The following SLC35F1 variants were observed in gnomAD, a reference collection of about 807,000 sequenced individuals.
The protein encoded by SLC35F1 is chromosome 6 open reading frame 169.
A neutral mutation model predicts 48.7 loss-of-function variants in SLC35F1; 14 were observed. The observed-to-expected ratio is 0.29, with a 90% CI of 0.19 to 0.45. SLC35F1 has a LOEUF of 0.45. SLC35F1 is among the 20% of genes least tolerant of loss of function. The pLI is 1.00. For missense variants in SLC35F1, 404 were observed against 500.0 expected (o/e 0.81, Z 1.83); for synonymous variants, 190 against 202.2 (o/e 0.94, Z 0.51).
chr6:118,208,143 A>ACC (rs1774961139), intron 2 of SLC35F1, among the ~76,000 whole-genome samples: 1 of 130,502 alleles, frequency 7.7e-6, no homozygotes, highest in African/African-American at 2.9e-5. Flanking sequence ...ACACACACAC[A>ACC]CCCCTCTGCT....
chr6:118,152,550 CACTT>C (rs969574236), intron 1 of SLC35F1, among the ~76,000 whole-genome samples: 2 of 152,190 alleles, frequency 1.3e-5, no homozygotes, highest in African/African-American at 4.8e-5. Flanking sequence ...AAGCCTCACT[CACTT>C]GTCAGGACAA....
At chr6:117,944,125 T>C (rs1776265569) in intron 1 of SLC35F1, among the ~76,000 whole-genome samples, 1 of 152,212 alleles carries the variant, frequency 6.6e-6, no homozygotes, top group African/African-American at 2.4e-5. Context: ...TGTAATTATA[T>C]TTGATACTCT....
chr6:118,295,921 G>T (rs1776178639), intron 7 of SLC35F1, among the ~76,000 whole-genome samples: 1 of 152,150 alleles, frequency 6.6e-6, no homozygotes, highest in African/African-American at 2.4e-5. Flanking sequence ...GTTTGACTTT[G>T]GCTTTCCCCT....
intron 1 of SLC35F1, among the ~76,000 whole-genome samples, chr6:117,922,151 A>G (rs1273983636): frequency 6.6e-6 from 1 of 152,178 alleles, no homozygotes; most frequent in Non-Finnish European, 1.5e-5. Flanking sequence ...TCCACCACCA[A>G]GAGTGGTTGG....
At chr6:118,112,222 A>T (rs896309385) in intron 1 of SLC35F1, among the ~76,000 whole-genome samples, 23 of 151,816 alleles carry the variant, frequency 1.5e-4, no homozygotes, top group African/African-American at 5.3e-4. Context: ...TCCACCTCCC[A>T]GGTTCAAGCA....
chr6:118,293,959 G>C (rs1169177890), intron 7 of SLC35F1, among the ~76,000 whole-genome samples: 1 of 152,198 alleles, frequency 6.6e-6, no homozygotes, highest in African/African-American at 2.4e-5. Context: ...ACTGGCTTCT[G>C]TGTATGCTTT....
intron 1 of SLC35F1, among the ~76,000 whole-genome samples, chr6:118,039,798 TG>T (rs925335235): frequency 1.9e-4 from 27 of 142,332 alleles, no homozygotes; most frequent in Admixed American, 7.4e-4. Context: ...ATCTCAGGAT[TG>T]TTTTTTTTGT....
intron 2 of SLC35F1, among the ~76,000 whole-genome samples, chr6:118,194,553 C>G (rs1774774818): frequency 6.6e-6 from 1 of 152,092 alleles, no homozygotes; most frequent in Non-Finnish European, 1.5e-5. Flanking sequence ...TTATGGGTTC[C>G]TAAGCCCGTG....
chr6:118,259,838 G>T (rs1562342462), intron 3 of SLC35F1, among the ~76,000 whole-genome samples: 1 of 152,094 alleles, frequency 6.6e-6, no homozygotes, highest in Non-Finnish European at 1.5e-5. Flanking sequence ...TAAACACTGA[G>T]TTACTATATG....
intron 2 of SLC35F1, among the ~76,000 whole-genome samples, chr6:118,177,015 G>C (rs1774499409): frequency 6.6e-6 from 1 of 151,968 alleles, no homozygotes; most frequent in South Asian, 2.1e-4. Flanking sequence ...CTTTTAACTT[G>C]TTAAAAGTTA....
intron 1 of SLC35F1, among the ~76,000 whole-genome samples, chr6:117,938,925 C>T (rs1369142855): frequency 6.6e-6 from 1 of 151,844 alleles, no homozygotes; most frequent in East Asian, 1.9e-4. Flanking sequence ...AGGCAGTCCC[C>T]TCTGTCCTCC....
At chr6:118,054,840 G>C (rs9387548) in intron 1 of SLC35F1, among the ~76,000 whole-genome samples, 1 of 151,650 alleles carries the variant, frequency 6.6e-6, no homozygotes, top group African/African-American at 2.4e-5. Context: ...GCAGTGGCGC[G>C]ATCTCAGCTC....
At chr6:117,998,663 T>C (rs1777037938) in intron 1 of SLC35F1, among the ~76,000 whole-genome samples, 1 of 152,198 alleles carries the variant, frequency 6.6e-6, no homozygotes, top group Admixed American at 6.5e-5. Flanking sequence ...AACAACCTGC[T>C]CCTGAATGAC....
At chr6:118,184,925 G>A (rs1476948131) in intron 2 of SLC35F1, among the ~76,000 whole-genome samples, 1 of 152,158 alleles carries the variant, frequency 6.6e-6, no homozygotes, top group Non-Finnish European at 1.5e-5. Context: ...TAGAGATTCT[G>A]TGACTATGGT....
At chr6:118,156,084 TG>T (rs1308539320) in intron 2 of SLC35F1, among the ~76,000 whole-genome samples, 1 of 152,164 alleles carries the variant, frequency 6.6e-6, no homozygotes, top group Non-Finnish European at 1.5e-5. Flanking sequence ...TATCAATGCT[TG>T]TTTTTTAAAG....
intron 2 of SLC35F1, among the ~76,000 whole-genome samples, chr6:118,160,544 A>G (rs1317714459): frequency 6.6e-6 from 1 of 152,240 alleles, no homozygotes; most frequent in Non-Finnish European, 1.5e-5. Flanking sequence ...AATACTGAAA[A>G]GTGAACTGCA....
intron 1 of SLC35F1, among the ~76,000 whole-genome samples, chr6:117,977,891 T>G (rs917673632): frequency 6.6e-6 from 1 of 152,166 alleles, no homozygotes; most frequent in African/African-American, 2.4e-5. Context: ...AAATTTTAGC[T>G]TCATTTAGTA....
intron 7 of SLC35F1, among the ~76,000 whole-genome samples, chr6:118,300,056 A>G (rs1052435426): frequency 6.6e-6 from 1 of 152,228 alleles, no homozygotes; most frequent in African/African-American, 2.4e-5. Flanking sequence ...TAGAATTGTT[A>G]GTACAATCAG....
chr6:118,145,476 T>C (rs1178227502), intron 1 of SLC35F1, among the ~76,000 whole-genome samples: 1 of 152,172 alleles, frequency 6.6e-6, no homozygotes, highest in Non-Finnish European at 1.5e-5. Flanking sequence ...ATACTGTAAG[T>C]AAGTAACACA....
Sources: allele counts gnomAD v4.1 joint callset (sites outside exome capture counted in the v4.1 genomes callset), GRCh38; gene constraint gnomAD v4.1.1; transcripts MANE v1.5; gene names NCBI Gene and HGNC (gene_info 2026-07-23, HGNC 2026-07-21).